Variants in DLEC1 observed in about 807,000 individuals in gnomAD.
DLEC1 encodes the protein DLEC1 cilia and flagella associated protein, also known as deleted in lung and esophageal cancer protein 1.
A neutral mutation model predicts 198.1 loss-of-function variants in DLEC1; 146 were observed. That is an observed-to-expected ratio of 0.74 (90% CI 0.64 to 0.85). The LOEUF (loss-of-function observed/expected upper bound fraction) is 0.85. Ranked by LOEUF, DLEC1 falls within the 40% of genes least tolerant of loss-of-function variation. The pLI, the probability that DLEC1 is intolerant of heterozygous loss-of-function variation, is 0.00. For synonymous variants in DLEC1, 897 were observed against 866.8 expected (o/e 1.03, Z -0.61); for missense variants, 2,233 against 2,220.0 (o/e 1.01, Z -0.12).
intron 21 of DLEC1, among the ~76,000 whole-genome samples, chr3:38,108,980 G>T (rs1699716584): frequency 6.6e-6 from 1 of 152,236 alleles, no homozygotes; most frequent in African/African-American, 2.4e-5. Flanking sequence ...TGTGGTTCTT[G>T]TGGGAAAAGA....
rs548646307 is a variant in DLEC1 at position 38,039,275 on chromosome 3, A to G, written c.50A>G (p.Asn17Ser). The change falls in exon 1 of 37, where the codon AAC becomes AGC. Residue 17 changes from asparagine to serine, a missense_variant. Asn to Ser is a conservative substitution (Grantham distance 46). Transcript: ENST00000308059. ...KTRRSLASRT[N>S]ECQGTMWAPT... ...CGGAGGTCTTTAGCGTCCCGGACCA[A>G]CGAGTGCCAGGGGACAATGTGGGCG... 8 of 1,613,946 alleles carry G rather than the reference A, an allele frequency of 5.0e-6. No homozygotes were observed. In the East Asian group the frequency reaches 6.7e-5, roughly 13 times the overall value.
Position 38,118,107 on chromosome 3 carries a change from G to A in DLEC1, c.4704+83G>A, listed in dbSNP as rs79854847. On this transcript the variant is annotated intron_variant, in intron 33 of 36. Transcript: ENST00000308059. ...CAGCACCCCTGCACGCCACCCTCAGGTGCTTGTACCCAGACGCAAACTGCA... is the reference window on the plus strand; with the variant it reads ...CAGCACCCCTGCACGCCACCCTCAGATGCTTGTACCCAGACGCAAACTGCA... The A allele has an allele frequency of 4.5e-3, 6,642 of 1,470,044 alleles. 228 individuals carry two copies. The African/African-American group carries it at 0.078, about 17-fold the overall frequency. 91.1% of individuals were successfully genotyped at this position (1,470,044 alleles called of 1,614,324 possible).
At chr3:38,115,478 G>T (rs560816216) in intron 27 of DLEC1, among the ~76,000 whole-genome samples, 62 of 152,124 alleles carry the variant, frequency 4.1e-4, no homozygotes, top group African/African-American at 1.5e-3. Flanking sequence ...GCTCCCCTGT[G>T]GAGGGGAGGC....
chr3:38,107,517 C>T, intron 19 of DLEC1, 67 bp from the exon 20 acceptor site: 2 of 1,429,972 alleles, frequency 1.4e-6, no homozygotes, highest in Non-Finnish European at 9.3e-7. Context: ...TGCATGTCAT[C>T]TAGAAATAGG....
At chr3:38,043,240 A>G (rs1222028084) in intron 1 of DLEC1, among the ~76,000 whole-genome samples, 1 of 152,200 alleles carries the variant, frequency 6.6e-6, no homozygotes, top group Non-Finnish European at 1.5e-5. Flanking sequence ...GCAGATAATA[A>G]TAATATTCAC....
rs889346936 is a variant in DLEC1 at position 38,120,745 on chromosome 3, C to G, written c.4866+136C>G. 985 of 1,252,960 alleles carry G rather than the reference C, an allele frequency of 7.9e-4. 6 individuals carry two copies. Among genetic ancestry groups the G allele is most frequent in the Non-Finnish European group, 3.0e-4 (275 of 917,520 alleles). The allele number at this position is 1,252,960 out of a possible 1,614,324, so 77.6% of individuals were successfully genotyped here. A position where few individuals can be genotyped will look rare whatever the true frequency, so the allele number is the denominator to read the frequency against. ...CTGCCCCTGTCCTGGGGCTCAGTCTCCCCTAGAAGAGGCCCTGTGTGCAGA... is the reference window on the plus strand; with the variant it reads ...CTGCCCCTGTCCTGGGGCTCAGTCTGCCCTAGAAGAGGCCCTGTGTGCAGA... On this transcript the variant is annotated intron_variant, in intron 34 of 36. Coordinates refer to ENST00000308059, the MANE Select transcript of DLEC1 (RefSeq NM_007335.4).
intron 16 of DLEC1, 45 bp downstream of exon 16, chr3:38,097,320 G>A: frequency 6.4e-7 from 1 of 1,551,844 alleles, no homozygotes; most frequent in South Asian, 1.2e-5. Flanking sequence ...CCTGGGGCTG[G>A]CTCAGGAAGA....
Position 38,039,435 on chromosome 3 carries a change from G to T in DLEC1, c.210G>T (p.Ala70=), listed in dbSNP as rs1435905037. 6 of 1,613,742 alleles carry T rather than the reference G, an allele frequency of 3.7e-6. No individual in the cohort carries two copies. Among genetic ancestry groups the T allele is most frequent in the Non-Finnish European group, 5.1e-6 (6 of 1,179,764 alleles). ...GGCCCCGCCGCCTCACGCAGCTTGC[G>T]CTGGCGCAGCGTCCCGAGCCTCAGC... ...AARPRRLTQL[A]LAQRPEPQLL... The change falls in exon 1 of 37, where the codon GCG becomes GCT. Residue 70 remains alanine (A), a synonymous_variant. Coordinates refer to ENST00000308059, the MANE Select transcript of DLEC1 (RefSeq NM_007335.4).
Position 38,122,620 on chromosome 3 carries a change from C to T in DLEC1, c.*208C>T, listed in dbSNP as rs769818325. ...AGCTAACATAAAGGACAGGCCACACCACAGCAGAGACCACCACATTGAGAT... is the reference window on the plus strand; with the variant it reads ...AGCTAACATAAAGGACAGGCCACACTACAGCAGAGACCACCACATTGAGAT... On this transcript the variant is annotated 3_prime_UTR_variant, in exon 37 of 37. Coordinates refer to ENST00000308059, the MANE Select transcript of DLEC1 (RefSeq NM_007335.4). The T allele has an allele frequency of 1.3e-6, 2 of 1,535,648 alleles. No individual in the cohort carries two copies. The highest frequency in any genetic ancestry group is 1.7e-6 in the Non-Finnish European group (2 of 1,146,088).
intron 6 of DLEC1, among the ~76,000 whole-genome samples, chr3:38,076,436 G>T (rs1019871199): frequency 6.6e-6 from 1 of 151,998 alleles, no homozygotes; most frequent in Non-Finnish European, 1.5e-5. Context: ...ATTTGGGTGG[G>T]TAAAGGAAAA....
intron 6 of DLEC1, among the ~76,000 whole-genome samples, chr3:38,083,080 T>C (rs1698144452): frequency 6.7e-6 from 1 of 149,426 alleles, no homozygotes; most frequent in South Asian, 2.2e-4. Context: ...GTGAGGGAGG[T>C]TGGAGAAGAG....
At chr3:38,096,854 G>A in intron 15 of DLEC1, 117 bp downstream of exon 15, 4 of 1,267,380 alleles carry the variant, frequency 3.2e-6, no homozygotes, top group Non-Finnish European at 4.3e-6. Flanking sequence ...GGAGGCTGAG[G>A]CCATTCCCAG....
At chr3:38,048,498 A>G (rs1197849436) in intron 2 of DLEC1, among the ~76,000 whole-genome samples, 2 of 152,386 alleles carry the variant, frequency 1.3e-5, no homozygotes, top group South Asian at 2.1e-4. Context: ...AGATGCTAAT[A>G]TGCTTTGCAT....
At chr3:38,079,274 T>C (rs989280130) in intron 6 of DLEC1, among the ~76,000 whole-genome samples, 28 of 152,266 alleles carry the variant, frequency 1.8e-4, no homozygotes, top group Non-Finnish European at 3.4e-4. Flanking sequence ...CAGGTGGGGA[T>C]AACTAAAAGG....
intron 32 of DLEC1, 35 bp downstream of exon 32, chr3:38,117,646 T>C (rs748466192): frequency 6.2e-7 from 1 of 1,613,396 alleles, no homozygotes; most frequent in East Asian, 2.2e-5. Context: ...CCTGCCAGCT[T>C]ACCTGGACCT....
intron 2 of DLEC1, among the ~76,000 whole-genome samples, chr3:38,055,579 C>T (rs2125597476): frequency 6.6e-6 from 1 of 152,186 alleles, no homozygotes; most frequent in South Asian, 2.1e-4. Context: ...TTTATCACAA[C>T]AGGAAACTCA....
chr3:38,083,875 C>T (rs986297017), intron 6 of DLEC1, among the ~76,000 whole-genome samples: 11 of 151,864 alleles, frequency 7.2e-5, no homozygotes, highest in African/African-American at 2.7e-4. Context: ...AGTGATCCGC[C>T]TGCCCCAGCC....
At position 38,072,158 on chromosome 3, in the gene DLEC1, G is replaced by A. The variant is rs9857938; in HGVS notation, c.1173+8239G>A. Among the ~76,000 whole-genome samples, 1,134 of 152,324 alleles carry A rather than the reference G, an allele frequency of 7.4e-3. 14 individuals are homozygous for A. The highest frequency in any genetic ancestry group is 0.025 in the African/African-American group (1,050 of 41,570). ...GGTCAGGTGTGGTATCTGGAATAAT[G>A]TGGGAGGCCAGATTGAAGTCCAGGC... On this transcript the variant is annotated intron_variant, in intron 6 of 36. Coordinates refer to ENST00000308059, the MANE Select transcript of DLEC1 (RefSeq NM_007335.4).
At chr3:38,084,621 T>TGGTGGTGGTAGTGGTG (rs1553617798) in intron 7 of DLEC1, among the ~76,000 whole-genome samples, 11 of 126,494 alleles carry the variant, frequency 8.7e-5, no homozygotes, top group African/African-American at 2.4e-4. Flanking sequence ...GTAGCAGTAC[T>TGGTGGTGGTAGTGGTG]GCTACTACTT....
Sources: allele counts gnomAD v4.1 joint callset (sites outside exome capture counted in the v4.1 genomes callset), GRCh38; gene constraint gnomAD v4.1.1; transcripts MANE v1.5; gene names NCBI Gene and HGNC (gene_info 2026-07-23, HGNC 2026-07-21).